Variants in MSL3 observed in about 807,000 individuals in gnomAD.
MSL3 encodes the protein MSL complex subunit 3.
A neutral mutation model predicts 37.2 loss-of-function variants in MSL3; 5 were observed. That is an observed-to-expected ratio of 0.13 (90% CI 0.07 to 0.28). MSL3 has a LOEUF of 0.28. MSL3 is among the 10% of genes least tolerant of loss of function. MSL3 has a pLI of 1.00. For synonymous variants in MSL3, 149 were observed against 147.6 expected, an observed-to-expected ratio of 1.01 and a Z score of -0.07; for missense variants, 315 against 408.5, an observed-to-expected ratio of 0.77 and a Z score of 1.97.
In MSL3 at chrX:11,758,676, C is replaced by A. The variant is rs755734584; in HGVS notation, c.102+311C>A. ...CAACGGTGGCCGCTGAGGGAGGAGG[C>A]TTCTCGAATACGGTTTCTGTCTTCG... On this transcript the variant is annotated intron_variant, in intron 1 of 12. Coordinates refer to ENST00000312196, the MANE Select transcript of MSL3 (RefSeq NM_078629.4). The A allele has an allele frequency of 2.6e-6, 3 of 1,164,589 alleles. No individual in the cohort carries two copies. The African/African-American group carries it at 5.4e-5, about 21-fold the overall frequency.
In MSL3 at chrX:11,775,283, C is replaced by G; in HGVS notation, c.*204C>G. ...TGCCTGAAAGTGCTCTGACACGACACTTGTTACTTTGCAGGCCATCTGTGA... is the reference window on the plus strand; with the variant it reads ...TGCCTGAAAGTGCTCTGACACGACAGTTGTTACTTTGCAGGCCATCTGTGA... On this transcript the variant is annotated 3_prime_UTR_variant, in exon 13 of 13. Transcript: ENST00000312196. The G allele has an allele frequency of 2.6e-6, 1 of 383,519 alleles. No homozygotes were observed. Among genetic ancestry groups the G allele is most frequent in the Non-Finnish European group, 4.5e-6 (1 of 221,058 alleles). The allele number at this position is 383,519 out of a possible 1,213,427, so 31.6% of individuals were successfully genotyped here.
intron 1 of MSL3, chrX:11,759,521 C>G: frequency 1.2e-6 from 1 of 836,869 alleles, no homozygotes; most frequent in Non-Finnish European, 1.5e-6. Context: ...TGGAGTCTCT[C>G]CTTAGTGACA....
At chrX:11,764,989 A>G (rs756910618) in intron 8 of MSL3, among the ~76,000 whole-genome samples, 20 of 112,903 alleles carry the variant, frequency 1.8e-4, no homozygotes, top group African/African-American at 5.8e-4. Flanking sequence ...AGCAACCCCA[A>G]TGCTTTTCTT....
chrX:11,768,536 G>A, intron 9 of MSL3, 37 bp from the exon 10 acceptor site: 1 of 944,060 alleles, frequency 1.1e-6, no homozygotes, highest in Non-Finnish European at 1.5e-6. Context: ...CTTTAATTCA[G>A]TTGCTGTGTG....
rs936242845 is a variant in MSL3, at chrX:11,772,365, G to C, written c.1381+110G>C. The C allele has an allele frequency of 4.8e-6, 3 of 618,564 alleles. No homozygotes were observed. The African/African-American group carries it at 6.8e-5, about 14-fold the overall frequency. The allele number at this position is 618,564 out of a possible 1,213,427, so 51.0% of individuals were successfully genotyped here. A position where few individuals can be genotyped will look rare whatever the true frequency, so the allele number is the denominator to read the frequency against. ...TAATTATCTAACTAAGAAATTTGGG[G>C]ATCCAAGAAAAATTAAAAGTAATCT... On this transcript the variant is annotated intron_variant, in intron 11 of 12. Coordinates refer to ENST00000312196, the MANE Select transcript of MSL3 (RefSeq NM_078629.4).
intron 7 of MSL3, among the ~76,000 whole-genome samples, chrX:11,763,462 C>T (rs1270231077): frequency 1.8e-5 from 2 of 112,695 alleles, no homozygotes; most frequent in African/African-American, 6.5e-5. Context: ...AGGGTCAACC[C>T]GTTTCAGCTT....
At chrX:11,758,413 G>C in intron 1 of MSL3, 48 bp downstream of exon 1, 1 of 961,233 alleles carries the variant, frequency 1.0e-6, no homozygotes. Context: ...GGGGACCCGG[G>C]ACCGGGGGCG....
chrX:11,759,755 A>G lies in MSL3; in HGVS notation c.103-38A>G, dbSNP rs775031076. On this transcript the variant is annotated intron_variant, in intron 1 of 12. Coordinates refer to ENST00000312196, the MANE Select transcript of MSL3 (RefSeq NM_078629.4). ...CCTGATCTAACTTCTAATTTTCTGT[A>G]TGTTCTGCCATTTGTGGGAAATATT... 16 of 1,208,100 alleles carry G rather than the reference A, an allele frequency of 1.3e-5. No homozygotes were observed. The East Asian group carries it at 3.6e-4, about 27-fold the overall frequency.
Position 11,775,017 on chromosome X carries a change from T to C in MSL3, c.1504T>C (p.Ser502Pro). The change falls in exon 13 of 13, where the codon TCG (serine) becomes CCG (proline). Residue 502 changes from serine to proline, a missense_variant. Ser to Pro is a moderately conservative substitution (Grantham distance 74). Coordinates refer to ENST00000312196, the MANE Select transcript of MSL3 (RefSeq NM_078629.4). ...AEYHDDFFPE[S>P]AYVAACEAHY... ...ATACCACGATGACTTCTTCCCAGAG[T>C]CGGCTTATGTCGCTGCCTGTGAGGC... 8.3e-7 allele frequency: 1 copy of C among 1,209,508 alleles called. No individual in the cohort carries two copies. Among genetic ancestry groups the C allele is most frequent in the Non-Finnish European group, 1.1e-6 (1 of 894,341 alleles).
chrX:11,759,850 A>G lies in MSL3; in HGVS notation c.160A>G (p.Ile54Val). The G allele has an allele frequency of 2.5e-6, 3 of 1,211,051 alleles. No homozygotes were observed. The highest frequency in any genetic ancestry group is 3.4e-6 in the Non-Finnish European group (3 of 895,315). Residue 54 changes from isoleucine to valine, a missense_variant, in exon 2 of 13, where the codon ATC (isoleucine) becomes GTC (valine). By Grantham distance (29) the Ile-to-Val change is conservative. Transcript: ENST00000312196. The part of the protein sequence containing the change: ...EKGRKIPEYL[I>V]HFNGWNRSWD... Reference sequence around the variant, plus strand: ...AGGCAGAAAGATCCCAGAATATCTGATCCATTTTAATGGTTGGAACAGAAG... The same window carrying G: ...AGGCAGAAAGATCCCAGAATATCTGGTCCATTTTAATGGTTGGAACAGAAG...
intron 12 of MSL3, among the ~76,000 whole-genome samples, chrX:11,774,698 A>G (rs2053259771): frequency 9.0e-6 from 1 of 110,648 alleles, no homozygotes; most frequent in Non-Finnish European, 1.9e-5. Flanking sequence ...TTCCGCCCCC[A>G]ACAGAAGTGT....
At chrX:11,772,793 C>G in intron 12 of MSL3, 88 bp downstream of exon 12, 1 of 499,522 alleles carries the variant, frequency 2.0e-6, no homozygotes, top group Non-Finnish European at 3.3e-6. Context: ...GAAGTCAGCT[C>G]TGTGATATTT....
At chrX:11,766,895 G>A in intron 9 of MSL3, 1 of 754,575 alleles carries the variant, frequency 1.3e-6, no homozygotes, top group Non-Finnish European at 1.6e-6. Flanking sequence ...AAAACTACTT[G>A]GAGTCGAATC....
At chrX:11,767,943 A>T (rs1450632738) in intron 9 of MSL3, 1 of 751,749 alleles carries the variant, frequency 1.3e-6, no homozygotes, top group East Asian at 1.5e-4. Context: ...GTTTTTAAAA[A>T]GGTGCTACAA....
chrX:11,767,887 G>C, intron 9 of MSL3: 1 of 754,264 alleles, frequency 1.3e-6, no homozygotes, highest in South Asian at 6.7e-5. Flanking sequence ...AGGATTGGTT[G>C]ATTGAAGATT....
intron 1 of MSL3, chrX:11,758,726 C>G (rs1271194376): frequency 8.6e-7 from 1 of 1,165,749 alleles, no homozygotes; most frequent in Non-Finnish European, 1.1e-6. Context: ...TTCTGTGCGG[C>G]CTGGTGCCGG....
At chrX:11,759,485 C>A in intron 1 of MSL3, 1 of 552,193 alleles carries the variant, frequency 1.8e-6, no homozygotes, top group Non-Finnish European at 2.4e-6. Context: ...TCCCAGAGCT[C>A]TCAGGGCTGC....
chrX:11,766,453 G>A (rs2053184419), intron 9 of MSL3: 2 of 752,741 alleles, frequency 2.7e-6, no homozygotes, highest in Non-Finnish European at 1.6e-6. Flanking sequence ...ACACTAACCA[G>A]GCATTTTTCC....
At chrX:11,769,607 T>C (rs2053214433) in intron 10 of MSL3, among the ~76,000 whole-genome samples, 1 of 111,330 alleles carries the variant, frequency 9.0e-6, no homozygotes, top group Admixed American at 9.5e-5. Context: ...AACATTTTTT[T>C]CTTTTTTTGA....
Sources: allele counts gnomAD v4.1 joint callset (sites outside exome capture counted in the v4.1 genomes callset), GRCh38; gene constraint gnomAD v4.1.1; transcripts MANE v1.5; gene names NCBI Gene and HGNC (gene_info 2026-07-23, HGNC 2026-07-21).